HIVEP3: variants seen among roughly 807,000 people sequenced by gnomAD.
The protein encoded by HIVEP3 is transcription factor HIVEP3.
A neutral mutation model predicts 152.8 loss-of-function variants in HIVEP3; 49 were observed. That is an observed-to-expected ratio of 0.32 (90% CI 0.26 to 0.41). HIVEP3 has a LOEUF of 0.41. HIVEP3 is among the 10% of genes least tolerant of loss of function. HIVEP3 has a pLI of 1.00. For missense variants in HIVEP3, 2,790 were observed against 3,103.3 expected, an observed-to-expected ratio of 0.90 and a Z score of 2.40; for synonymous variants, 1,269 against 1,289.0, an observed-to-expected ratio of 0.98 and a Z score of 0.33.
intron 1 of HIVEP3, among the ~76,000 whole-genome samples, chr1:42,014,317 C>T (rs1645509254): frequency 6.6e-6 from 1 of 151,958 alleles, no homozygotes; most frequent in East Asian, 1.9e-4. Context: ...GGACCAAAGG[C>T]AAGCAGGGTG....
intron 1 of HIVEP3, among the ~76,000 whole-genome samples, chr1:41,870,090 A>C (rs1158295755): frequency 2.6e-5 from 4 of 152,166 alleles, no homozygotes; most frequent in Non-Finnish European, 5.9e-5. Flanking sequence ...TCCTGAGACA[A>C]GGACCCTGGG....
chr1:41,645,148 C>T (rs1645439812), intron 2 of HIVEP3, among the ~76,000 whole-genome samples: 2 of 152,166 alleles, frequency 1.3e-5, no homozygotes, highest in Admixed American at 1.3e-4. Context: ...GCTGCTATCC[C>T]AGGCCTCCAA....
chr1:41,604,435 G>A (rs767419742), intron 3 of HIVEP3, among the ~76,000 whole-genome samples: 9 of 152,158 alleles, frequency 5.9e-5, no homozygotes, highest in East Asian at 5.8e-4. Context: ...ACTATATGCC[G>A]TGTGATGATG....
At chr1:41,999,604 T>C (rs1236926981) in intron 1 of HIVEP3, among the ~76,000 whole-genome samples, 2 of 151,838 alleles carry the variant, frequency 1.3e-5, no homozygotes, top group Non-Finnish European at 2.9e-5. Context: ...TAGAGAAAAA[T>C]TAAAGTGCTA....
chr1:41,705,547 G>A (rs926055841), intron 1 of HIVEP3, among the ~76,000 whole-genome samples: 5 of 152,166 alleles, frequency 3.3e-5, no homozygotes, highest in Non-Finnish European at 7.3e-5. Flanking sequence ...AGTGCAGACC[G>A]AGGCTCAAAA....
chr1:41,654,039 T>C (rs1645593898), intron 2 of HIVEP3, among the ~76,000 whole-genome samples: 1 of 151,636 alleles, frequency 6.6e-6, no homozygotes. Context: ...CTGTTCTCCT[T>C]GCACCTACTC....
In HIVEP3 at chr1:41,542,925, C is replaced by T. The variant is rs74069909; in HGVS notation, c.5208-18015G>A. On this transcript the variant is annotated intron_variant, in intron 5 of 8. Transcript: ENST00000372583. ...GCAATAAAAGCCTCAGGAAAGTTAA[C>T]CTAACTGTTAGGTTTCTATCGGGAT... 186 of 152,260 alleles carry T rather than the reference C, an allele frequency of 1.2e-3. 1 individual carries two copies. Among genetic ancestry groups the T allele is most frequent in the African/African-American group, 3.9e-3 (164 of 41,526 alleles). 9.4% of individuals were successfully genotyped at this position (152,260 alleles called of 1,614,324 possible).
chr1:41,679,976 T>C (rs1251510607), intron 2 of HIVEP3, among the ~76,000 whole-genome samples: 3 of 152,204 alleles, frequency 2.0e-5, no homozygotes, highest in Admixed American at 6.5e-5. Flanking sequence ...GACACCTGTC[T>C]GGCTCCACAG....
chr1:41,915,060 G>C (rs1353246753), intron 1 of HIVEP3, among the ~76,000 whole-genome samples: 4 of 152,034 alleles, frequency 2.6e-5, no homozygotes, highest in African/African-American at 9.7e-5. Flanking sequence ...ATTTTGACCA[G>C]TAAGCCACCG....
chr1:41,821,620 T>C (rs1570607128), intron 1 of HIVEP3, among the ~76,000 whole-genome samples: 1 of 152,132 alleles, frequency 6.6e-6, no homozygotes, highest in African/African-American at 2.4e-5. Flanking sequence ...CAAAATCCTC[T>C]CTTCAAAATA....
chr1:41,615,373 C>T (rs959626346), intron 3 of HIVEP3, among the ~76,000 whole-genome samples: 1 of 152,248 alleles, frequency 6.6e-6, no homozygotes, highest in Admixed American at 6.5e-5. Flanking sequence ...TGCCCCCCAT[C>T]TCCTCCACCT....
intron 1 of HIVEP3, among the ~76,000 whole-genome samples, chr1:41,927,031 C>T (rs982330473): frequency 5.3e-5 from 8 of 152,096 alleles, no homozygotes; most frequent in African/African-American, 1.9e-4. Context: ...CTGTCTCAGG[C>T]GAGGATGTAG....
At chr1:42,027,424 C>T (rs946250290) in intron 1 of HIVEP3, among the ~76,000 whole-genome samples, 5 of 152,174 alleles carry the variant, frequency 3.3e-5, no homozygotes, top group African/African-American at 1.2e-4. Flanking sequence ...TAGATCATGT[C>T]ACCTGTGCTC....
chr1:41,568,969 T>C (rs1488842309), intron 5 of HIVEP3, among the ~76,000 whole-genome samples: 4 of 152,202 alleles, frequency 2.6e-5, no homozygotes, highest in South Asian at 2.1e-4. Flanking sequence ...GTCGTCACTA[T>C]AGTGAGTTCT....
intron 1 of HIVEP3, among the ~76,000 whole-genome samples, chr1:41,891,107 C>T (rs1199258745): frequency 2.0e-5 from 3 of 152,132 alleles, no homozygotes; most frequent in Non-Finnish European, 4.4e-5. Flanking sequence ...GAAGGACTGC[C>T]CTGCTTTAGG....
At chr1:41,848,962 C>T (rs1205919512) in intron 1 of HIVEP3, 1 of 152,364 alleles carries the variant, frequency 6.6e-6, no homozygotes, top group Admixed American at 6.5e-5. Context: ...GTGTCCTCAA[C>T]CTCTGGCATG....
chr1:41,550,401 TG>T (rs1458156260), intron 5 of HIVEP3, among the ~76,000 whole-genome samples: 1 of 152,254 alleles, frequency 6.6e-6, no homozygotes, highest in Non-Finnish European at 1.5e-5. Context: ...TTTCCAATTC[TG>T]TGAAGAAAGT....
chr1:41,922,441 T>C (rs529022231), upstream of HIVEP3, among the ~76,000 whole-genome samples: 2 of 152,170 alleles, frequency 1.3e-5, no homozygotes, highest in Non-Finnish European at 2.9e-5. Flanking sequence ...AGAAATTATA[T>C]CACCCAAACA....
rs755983815 is a variant in HIVEP3 at position 41,513,665 on chromosome 1, G to C, written c.5556C>G (p.Asp1852Glu). The stretch of plus-strand genomic sequence containing the variant: ...CGTCCAGGTCTGAGTCTGAGTCCGA[G>C]TCCTCCAGGTCCGAAAACTGGTGCT... The part of the protein sequence containing the change: ...VEEHQFSDLE[D>E]SDSDSDLDED... Residue 1852 changes from aspartate (D) to glutamate (E), a missense_variant, in exon 8 of 9, where the codon GAC becomes GAG. Transcript: ENST00000372583. The C allele has an allele frequency of 1.2e-6, 2 of 1,613,116 alleles. No individual in the cohort carries two copies. Among genetic ancestry groups the C allele is most frequent in the South Asian group, 2.2e-5 (2 of 90,974 alleles).
Sources: gnomAD v4.1 joint callset for allele counts (sites outside exome capture counted in the v4.1 genomes callset) on GRCh38, gnomAD v4.1.1 for gene constraint, MANE v1.5 for transcripts, NCBI Gene and HGNC (gene_info 2026-07-23, HGNC 2026-07-21) for gene names.